The following FAM13B variants were observed in gnomAD, a reference collection of about 807,000 sequenced individuals.
FAM13B encodes family with sequence similarity 13 member B, also known as protein FAM13B.
FAM13B carries 60 observed loss-of-function variants against 117.3 expected under a neutral mutation model. The ratio of observed to expected loss-of-function variants is 0.51; its 90% CI spans 0.42 to 0.63. FAM13B has a LOEUF of 0.63. Ranked by LOEUF, FAM13B falls within the 30% of genes least tolerant of loss-of-function variation. FAM13B has a pLI of 0.00. For missense variants in FAM13B, 972 were observed against 1,091.9 expected (o/e 0.89, Z 1.55); for synonymous variants, 332 against 356.1 (o/e 0.93, Z 0.76).
chr5:137,996,593 C>T (rs140474620), intron 7 of FAM13B, among the ~76,000 whole-genome samples: 1 of 152,002 alleles, frequency 6.6e-6, no homozygotes, highest in Non-Finnish European at 1.5e-5. Flanking sequence ...TTCAATTTTT[C>T]ATCTTTCTTT....
chr5:137,968,377 G>C (rs1002357565), intron 10 of FAM13B, among the ~76,000 whole-genome samples: 1 of 150,198 alleles, frequency 6.7e-6, no homozygotes, highest in Admixed American at 6.6e-5. Flanking sequence ...GGAGGTAGAG[G>C]CTGCAGCAAA....
At position 138,007,112 on chromosome 5, in the gene FAM13B, T is replaced by C. The variant is rs763004172; in HGVS notation, c.726A>G (p.Glu242=). 1 of 1,611,908 alleles carries C rather than the reference T, an allele frequency of 6.2e-7. No homozygotes were observed. Among genetic ancestry groups the C allele is most frequent in the Non-Finnish European group, 8.5e-7 (1 of 1,179,420 alleles). The change falls in exon 7 of 24, where the codon GAA becomes GAG. Residue 242 remains glutamate (E), a synonymous_variant. Transcript: ENST00000689681. ...GAAGTTCTTCAATATGTTCCAGCTT[T>C]TCATCTTCCTCTTCTTCCTCAGAAA... The part of the protein sequence containing the change: ...NELSEEEEED[E]KLEHIEELPE...
At chr5:137,947,766 G>A (rs1435533367) in intron 18 of FAM13B, among the ~76,000 whole-genome samples, 2 of 152,062 alleles carry the variant, frequency 1.3e-5, no homozygotes, top group Non-Finnish European at 1.5e-5. Context: ...TGTATTTTTA[G>A]TAGAGATGGG....
chr5:137,947,764 T>C (rs1468616951), intron 18 of FAM13B, among the ~76,000 whole-genome samples: 1 of 152,024 alleles, frequency 6.6e-6, no homozygotes, highest in Non-Finnish European at 1.5e-5. Flanking sequence ...TGTGTATTTT[T>C]AGTAGAGATG....
chr5:138,007,374 T>C (rs1383411857), intron 6 of FAM13B, among the ~76,000 whole-genome samples: 1 of 152,344 alleles, frequency 6.6e-6, no homozygotes, highest in East Asian at 1.9e-4. Context: ...TATCACTAGT[T>C]GCAAATTAGT....
At chr5:137,955,807 T>G (rs1766355171) in intron 14 of FAM13B, among the ~76,000 whole-genome samples, 1 of 152,072 alleles carries the variant, frequency 6.6e-6, no homozygotes, top group Non-Finnish European at 1.5e-5. Context: ...AATATTTGTA[T>G]TTTTAGTTGA....
chr5:138,037,688 G>A (rs947374716), upstream of FAM13B, among the ~76,000 whole-genome samples: 5 of 152,116 alleles, frequency 3.3e-5, no homozygotes, highest in South Asian at 2.1e-4. Flanking sequence ...TTTCCTTACC[G>A]TTACTGATCT....
intron 13 of FAM13B, among the ~76,000 whole-genome samples, chr5:137,959,030 T>C (rs768424990): frequency 6.6e-6 from 1 of 152,248 alleles, no homozygotes; most frequent in African/African-American, 2.4e-5. Context: ...CAAAAATCTA[T>C]GTATTTGCTG....
chr5:138,037,856 G>A (rs1268544457), upstream of FAM13B, among the ~76,000 whole-genome samples: 1 of 152,162 alleles, frequency 6.6e-6, no homozygotes, highest in Admixed American at 6.5e-5. Context: ...TCACTTAAAA[G>A]TAAAATAGAT....
chr5:137,944,417 G>A (rs909712675), intron 20 of FAM13B, among the ~76,000 whole-genome samples: 15 of 152,122 alleles, frequency 9.9e-5, no homozygotes, highest in Admixed American at 3.3e-4. Context: ...ATCAACAGTG[G>A]ATTGGATAAA....
intron 13 of FAM13B, among the ~76,000 whole-genome samples, chr5:137,957,193 C>A (rs1324373087): frequency 1.3e-5 from 2 of 152,148 alleles, no homozygotes; most frequent in African/African-American, 4.8e-5. Context: ...TCCAAGGTAT[C>A]CAGGGTCTAA....
At chr5:138,017,522 A>C (rs748777579) in intron 4 of FAM13B, among the ~76,000 whole-genome samples, 3 of 152,330 alleles carry the variant, frequency 2.0e-5, no homozygotes, top group Middle Eastern at 6.8e-3. Flanking sequence ...CTGAAAGGGT[A>C]ATTTTAAAAT....
rs201629754 is a variant in FAM13B at position 137,948,965 on chromosome 5, T to C, written c.2150A>G (p.Glu717Gly). Residue 717 changes from glutamate (E) to glycine (G), a missense_variant, in exon 18 of 24, where the codon GAA becomes GGA. Glu to Gly is a moderately conservative substitution (Grantham distance 98, BLOSUM62 -2). Transcript: ENST00000689681. The stretch of plus-strand genomic sequence containing the variant: ...ATAGCTCAAGATTACCTTGATATCT[T>C]CTGGAAGACACCTCTCAATACGTTT... ...KEKRIERCLP[E>G]DIKKMTKDHL... 1 of 1,613,026 alleles carries C rather than the reference T, an allele frequency of 6.2e-7. No homozygotes were observed. Among genetic ancestry groups the C allele is most frequent in the East Asian group, 2.2e-5 (1 of 44,864 alleles).
intron 7 of FAM13B, among the ~76,000 whole-genome samples, chr5:137,992,495 GA>G (rs1778863786): frequency 6.6e-6 from 1 of 152,064 alleles, no homozygotes; most frequent in African/African-American, 2.4e-5. Context: ...TCGGGAGGCT[GA>G]GGCAGGGGAA....
intron 7 of FAM13B, among the ~76,000 whole-genome samples, chr5:138,001,848 G>C (rs1371924845): frequency 2.6e-5 from 4 of 152,124 alleles, no homozygotes; most frequent in East Asian, 1.9e-4. Context: ...CCAGTGCAAA[G>C]GCTCAAGTAG....
chr5:137,996,133 T>C (rs1369250022), intron 7 of FAM13B, among the ~76,000 whole-genome samples: 1 of 152,000 alleles, frequency 6.6e-6, no homozygotes, highest in Non-Finnish European at 1.5e-5. Flanking sequence ...TGGAAACCAG[T>C]TTTTTGTTTT....
intron 11 of FAM13B, among the ~76,000 whole-genome samples, chr5:137,960,621 T>C (rs1308948689): frequency 6.6e-6 from 1 of 152,180 alleles, no homozygotes; most frequent in Non-Finnish European, 1.5e-5. Flanking sequence ...AAAGAAAACT[T>C]TTTAAAAAGG....
intron 17 of FAM13B, among the ~76,000 whole-genome samples, chr5:137,950,224 A>C (rs889689008): frequency 2.6e-5 from 4 of 152,236 alleles, no homozygotes; most frequent in African/African-American, 9.6e-5. Context: ...AAGGAGTATA[A>C]TTTGTGGAGG....
chr5:137,989,299 T>C (rs925404174), intron 7 of FAM13B, among the ~76,000 whole-genome samples: 1 of 152,228 alleles, frequency 6.6e-6, no homozygotes, highest in African/African-American at 2.4e-5. Context: ...ATGAGTATCA[T>C]TTACCATTCA....
Sources: gnomAD v4.1 joint callset for allele counts (sites outside exome capture counted in the v4.1 genomes callset) on GRCh38, gnomAD v4.1.1 for gene constraint, MANE v1.5 for transcripts, NCBI Gene and HGNC (gene_info 2026-07-23, HGNC 2026-07-21) for gene names.